Variants in DGKI observed in about 807,000 individuals in gnomAD.
DGKI encodes the protein diacylglycerol kinase iota, also known as DAG kinase iota.
In DGKI, 55 loss-of-function variants were observed where a neutral mutation model predicts 147.5. That is an observed-to-expected ratio of 0.37 (90% confidence interval 0.30 to 0.47). DGKI has a LOEUF of 0.47. DGKI is among the 20% of genes least tolerant of loss of function. The probability of loss-of-function intolerance (pLI) is 1.00; values close to 1 mark genes in which losing one functional copy is unlikely to be tolerated. For synonymous variants in DGKI, 469 were observed against 477.1 expected (o/e 0.98, Z 0.22); for missense variants, 1,007 against 1,323.8 (o/e 0.76, Z 3.71).
chr7:137,696,196 T>TC (rs1212884229), intron 1 of DGKI, among the ~76,000 whole-genome samples: 1 of 152,154 alleles, frequency 6.6e-6, no homozygotes, highest in Non-Finnish European at 1.5e-5. Context: ...GTCAGGCAGT[T>TC]CAAAGGGGTT....
In DGKI at chr7:137,623,675, G is replaced by T. The variant is rs1013101217; in HGVS notation, c.805-121C>A. ...AGGCCAGGACTGTCACCCACCACTG[G>T]AGGTAAGTAGAATTGCAAAGGCCAC... On this transcript the variant is annotated intron_variant, in intron 6 of 32. Transcript: ENST00000614521. 8 of 777,530 alleles carry T rather than the reference G, an allele frequency of 1.0e-5. No individual in the cohort carries two copies. In the African/African-American group the frequency reaches 1.4e-4, roughly 13 times the overall value. 48.2% of individuals were successfully genotyped at this position (777,530 alleles called of 1,614,324 possible).
At chr7:137,413,708 A>G (rs1812251705) in intron 28 of DGKI, among the ~76,000 whole-genome samples, 1 of 152,162 alleles carries the variant, frequency 6.6e-6, no homozygotes. Context: ...TGTTGATTCC[A>G]GGTCTTTACT....
chr7:137,518,035 A>G (rs1456125174), intron 21 of DGKI, among the ~76,000 whole-genome samples: 4 of 152,092 alleles, frequency 2.6e-5, no homozygotes, highest in Non-Finnish European at 5.9e-5. Flanking sequence ...AGCCAGGAAG[A>G]GTTCTACATA....
At chr7:137,498,204 AAAAGAT>A (rs1338016710) in intron 21 of DGKI, among the ~76,000 whole-genome samples, 1 of 151,826 alleles carries the variant, frequency 6.6e-6, no homozygotes. Flanking sequence ...TAGAAAAGTT[AAAAGAT>A]AAAGTTGAGA....
Position 137,846,647 on chromosome 7 carries a change from G to C in DGKI, c.216C>G (p.Ser72Arg), listed in dbSNP as rs1798745344. ...EKGATGGSSS[S>R]GSGAGSCCLG... ...GGCAGCAGCTCCCGGCGCCGCTTCC[G>C]CTGCTGCTGCTGCCGCCCGTCGCCC... The change falls in exon 1 of 33, where the codon AGC becomes AGG. Residue 72 changes from serine (S) to arginine (R), a missense_variant. Coordinates refer to ENST00000614521, the MANE Select transcript of DGKI (RefSeq NM_001321708.2). The surrounding 1 kb of genome is among the most constrained non-coding windows in gnomAD (Gnocchi z 4.0). The C allele has an allele frequency of 1.9e-6, 2 of 1,059,702 alleles. No individual in the cohort carries two copies. The highest frequency in any genetic ancestry group is 1.7e-5 in the African/African-American group (1 of 58,172). 65.6% of individuals were successfully genotyped at this position (1,059,702 alleles called of 1,614,324 possible). A position where few individuals can be genotyped will look rare whatever the true frequency, so the allele number is the denominator to read the frequency against.
chr7:137,702,245 T>C (rs1824008964), intron 1 of DGKI, among the ~76,000 whole-genome samples: 1 of 152,210 alleles, frequency 6.6e-6, no homozygotes, highest in South Asian at 2.1e-4. Flanking sequence ...GGCAATGATT[T>C]TTTTCAAGAT....
intron 28 of DGKI, among the ~76,000 whole-genome samples, chr7:137,443,215 A>G (rs1813579397): frequency 6.6e-6 from 1 of 152,198 alleles, no homozygotes; most frequent in Admixed American, 6.5e-5. Flanking sequence ...TACAATATTG[A>G]AAAGCTGAAC....
intron 20 of DGKI, among the ~76,000 whole-genome samples, chr7:137,526,632 T>C (rs759465794): frequency 1.3e-5 from 2 of 152,068 alleles, no homozygotes; most frequent in Non-Finnish European, 2.9e-5. Flanking sequence ...CCCTGAGATG[T>C]TGGAAGGGAG....
intron 1 of DGKI, among the ~76,000 whole-genome samples, chr7:137,747,907 C>G (rs1585439126): frequency 6.6e-6 from 1 of 152,294 alleles, no homozygotes; most frequent in East Asian, 1.9e-4. Context: ...GATTCCAGGA[C>G]TTGTTATGGC....
At chr7:137,445,695 T>C (rs951332350) in intron 27 of DGKI, among the ~76,000 whole-genome samples, 10 of 152,178 alleles carry the variant, frequency 6.6e-5, no homozygotes, top group African/African-American at 1.4e-4. Context: ...AAAGTCATCA[T>C]GTTACTGTAA....
chr7:137,681,125 C>T (rs997598617), intron 2 of DGKI, among the ~76,000 whole-genome samples: 1 of 152,200 alleles, frequency 6.6e-6, no homozygotes, highest in African/African-American at 2.4e-5. Context: ...AGTGCACCAT[C>T]CACATCTCCC....
chr7:137,805,237 T>G (rs973679105), intron 1 of DGKI, among the ~76,000 whole-genome samples: 3 of 152,240 alleles, frequency 2.0e-5, no homozygotes, highest in Admixed American at 6.5e-5. Flanking sequence ...GTCTTCCAGC[T>G]GTGCTTGAGG....
At chr7:137,427,722 A>T (rs1812879430) in intron 28 of DGKI, among the ~76,000 whole-genome samples, 1 of 152,160 alleles carries the variant, frequency 6.6e-6, no homozygotes, top group South Asian at 2.1e-4. Context: ...AGGGGATATC[A>T]CCACTGATCC....
chr7:137,428,135 T>C (rs1473912536), intron 28 of DGKI, among the ~76,000 whole-genome samples: 2 of 143,174 alleles, frequency 1.4e-5, no homozygotes, highest in East Asian at 2.0e-4. Context: ...TGATGAACAT[T>C]GATGCAAAAA....
At chr7:137,682,781 A>C (rs919539447) in intron 2 of DGKI, among the ~76,000 whole-genome samples, 2 of 152,108 alleles carry the variant, frequency 1.3e-5, no homozygotes, top group South Asian at 4.2e-4. Flanking sequence ...TCCCACATAC[A>C]TTCCTCCATG....
At position 137,833,118 on chromosome 7, in the gene DGKI, G is replaced by A. The variant is rs946736319; in HGVS notation, c.401+13344C>T. Among the ~76,000 whole-genome samples, 3 of 152,254 alleles carry A rather than the reference G, an allele frequency of 2.0e-5. No homozygotes were observed. In the South Asian group the frequency reaches 6.2e-4, roughly 32 times the overall value. On this transcript the variant is annotated intron_variant, in intron 1 of 32. Transcript: ENST00000614521. ...TCCCACATTTTCCTGTCTTCTCTGA[G>A]CCCTCCAAACTGTTTCAACCTCTGC...
intron 23 of DGKI, among the ~76,000 whole-genome samples, chr7:137,471,563 C>T (rs1814889533): frequency 6.6e-6 from 1 of 152,024 alleles, no homozygotes; most frequent in African/African-American, 2.4e-5. Context: ...GGGCCCATCC[C>T]AGGTCTACAG....
chr7:137,516,387 G>A (rs1563063189), intron 21 of DGKI, among the ~76,000 whole-genome samples: 1 of 152,078 alleles, frequency 6.6e-6, no homozygotes, highest in Non-Finnish European at 1.5e-5. Flanking sequence ...GAAGCCTGAA[G>A]AAGACAAATG....
intron 3 of DGKI, among the ~76,000 whole-genome samples, chr7:137,677,081 A>G (rs189545386): frequency 6.6e-6 from 1 of 152,340 alleles, no homozygotes; most frequent in Admixed American, 6.5e-5. Flanking sequence ...CATTATTTAC[A>G]GCATTTTAGT....
Sources: allele counts gnomAD v4.1 joint callset (sites outside exome capture counted in the v4.1 genomes callset), GRCh38; gene constraint gnomAD v4.1.1; non-coding constraint Gnocchi (gnomAD v3.1); transcripts MANE v1.5; gene names NCBI Gene and HGNC (gene_info 2026-07-23, HGNC 2026-07-21).